CTTNBP2: variants seen among roughly 807,000 people sequenced by gnomAD.
The protein encoded by CTTNBP2 is cortactin binding protein 2.
A neutral mutation model predicts 156.9 loss-of-function variants in CTTNBP2; 108 were observed. The observed-to-expected ratio is 0.69, with a 90% CI of 0.59 to 0.81. The LOEUF (loss-of-function observed/expected upper bound fraction) is 0.81. Ranked by LOEUF, CTTNBP2 falls within the 30% of genes least tolerant of loss-of-function variation. The pLI is 0.00. For synonymous variants in CTTNBP2, 767 were observed against 751.8 expected (o/e 1.02, Z -0.33); for missense variants, 1,924 against 2,035.4 (o/e 0.95, Z 1.05).
intron 22 of CTTNBP2, among the ~76,000 whole-genome samples, chr7:117,713,293 TC>T (rs1794162248): frequency 6.6e-6 from 1 of 152,226 alleles, no homozygotes. Context: ...TATTTCAAGC[TC>T]TAAGTATTTC....
At chr7:117,836,948 A>G (rs1485346406) in intron 2 of CTTNBP2, among the ~76,000 whole-genome samples, 1 of 152,192 alleles carries the variant, frequency 6.6e-6, no homozygotes, top group Non-Finnish European at 1.5e-5. Context: ...TATGGGAGCT[A>G]TAATTCAAGA....
intron 3 of CTTNBP2, among the ~76,000 whole-genome samples, chr7:117,795,351 G>A (rs754773389): frequency 5.9e-5 from 9 of 151,926 alleles, no homozygotes; most frequent in Admixed American, 1.3e-4. Context: ...AATTTAAATC[G>A]TATTTTATAC....
intron 2 of CTTNBP2, among the ~76,000 whole-genome samples, chr7:117,855,279 A>AT (rs557833984): frequency 6.6e-6 from 1 of 151,712 alleles, no homozygotes; most frequent in South Asian, 2.1e-4. Context: ...TGCCTGGCTA[A>AT]TTTTTGTATT....
Position 117,735,425 on chromosome 7 carries a change from T to TA in CTTNBP2, c.3536-5dup, listed in dbSNP as rs764720149. 3 of 1,585,692 alleles carry TA rather than the reference T, an allele frequency of 1.9e-6. No individual in the cohort carries two copies. In the South Asian group the frequency reaches 3.5e-5, roughly 19 times the overall value. ...TGTTTCACTGGGATCAGACAAGCTA[T>TA]AATAAAAAAGGAAATTCAGTGATTC... On this transcript the variant is annotated splice_region_variant and splice_polypyrimidine_tract_variant and intron_variant, in intron 14 of 22. Coordinates refer to ENST00000160373, the MANE Select transcript of CTTNBP2 (RefSeq NM_033427.3).
intron 2 of CTTNBP2, among the ~76,000 whole-genome samples, chr7:117,846,787 T>C (rs992096063): frequency 2.0e-5 from 3 of 152,140 alleles, no homozygotes; most frequent in Non-Finnish European, 2.9e-5. Flanking sequence ...CTTAGTTAAA[T>C]GTATCAAGAT....
At chr7:117,843,990 T>C (rs555445217) in intron 2 of CTTNBP2, among the ~76,000 whole-genome samples, 14 of 152,156 alleles carry the variant, frequency 9.2e-5, no homozygotes, top group African/African-American at 3.4e-4. Context: ...AGGGTCATCA[T>C]AAGAGGGAGT....
At position 117,792,423 on chromosome 7, in the gene CTTNBP2, T is replaced by G. The variant is rs777685101; in HGVS notation, c.773A>C (p.Glu258Ala). 6.2e-7 allele frequency: 1 copy of G among 1,614,184 alleles called. No homozygotes were observed. The highest frequency in any genetic ancestry group is 2.2e-5 in the East Asian group (1 of 44,880). The change falls in exon 4 of 23, where the codon GAG becomes GCG. Residue 258 changes from glutamate (E) to alanine (A), a missense_variant. Physicochemically the swap from Glu to Ala is moderately radical, Grantham distance 107. Transcript: ENST00000160373. This position sits in a 1 kb window ranked among gnomAD's most constrained non-coding sequence, Gnocchi z 4.2. The part of the protein sequence containing the change: ...EEAHTTDLKE[E>A]IDKMRKMIEQ... ...AATCATTTTCCTCATCTTGTCTATC[T>G]CCTCTTTGAGGTCAGTGGTGTGTGC...
At chr7:117,816,378 C>G (rs1800576693) in intron 2 of CTTNBP2, among the ~76,000 whole-genome samples, 1 of 152,190 alleles carries the variant, frequency 6.6e-6, no homozygotes, top group African/African-American at 2.4e-5. Context: ...GTACACCACA[C>G]AGTTGTTGGA....
At chr7:117,785,964 T>C (rs973599367) in intron 4 of CTTNBP2, among the ~76,000 whole-genome samples, 1 of 152,208 alleles carries the variant, frequency 6.6e-6, no homozygotes, top group Admixed American at 6.5e-5. Context: ...ATGGATGTTT[T>C]ATACTCTCTG....
chr7:117,872,365 G>C (rs993003717), intron 1 of CTTNBP2: 2 of 151,332 alleles, frequency 1.3e-5, no homozygotes, highest in African/African-American at 4.9e-5. Context: ...CCCATCCTTC[G>C]GCGGGAGCAG....
At chr7:117,781,675 T>G (rs1236194990) in intron 6 of CTTNBP2, among the ~76,000 whole-genome samples, 2 of 152,022 alleles carry the variant, frequency 1.3e-5, no homozygotes, top group African/African-American at 2.4e-5. Context: ...GAGGCGGAGG[T>G]TGCAGTGAGC....
Position 117,782,098 on chromosome 7 carries a change from C to T in CTTNBP2, c.2372+764G>A, listed in dbSNP as rs1460747701. Among the ~76,000 whole-genome samples, 3 of 152,074 alleles carry T rather than the reference C, an allele frequency of 2.0e-5. No individual in the cohort carries two copies. In the East Asian group the frequency reaches 5.8e-4, roughly 29 times the overall value. On this transcript the variant is annotated intron_variant, in intron 6 of 22. Transcript: ENST00000160373. Reference sequence around the variant, plus strand: ...GGGTCAACCTTAAAAACCCATATTTCAATAATTCTGGAATTTGTTAAAGAA... The same window carrying T: ...GGGTCAACCTTAAAAACCCATATTTTAATAATTCTGGAATTTGTTAAAGAA...
chr7:117,830,090 A>G (rs1461680640), intron 2 of CTTNBP2, among the ~76,000 whole-genome samples: 1 of 152,246 alleles, frequency 6.6e-6, no homozygotes, highest in Non-Finnish European at 1.5e-5. Context: ...AAATCAATTT[A>G]GGCAAGTAAA....
Position 117,760,672 on chromosome 7 carries a change from T to A in CTTNBP2, c.2935A>T (p.Ile979Phe). Residue 979 changes from isoleucine (I) to phenylalanine (F), a missense_variant, in exon 10 of 23, where the codon ATT (isoleucine) becomes TTT (phenylalanine). Transcript: ENST00000160373. ...KIPLRISVGE[I>F]EPSNYGSDDL... is the part of the protein sequence containing the mutation. Reference sequence around the variant, plus strand: ...TCAGAACCATAGTTGCTTGGTTCAATCTCACCCACTGAAATCCTTAAGGGT... The same window carrying A: ...TCAGAACCATAGTTGCTTGGTTCAAACTCACCCACTGAAATCCTTAAGGGT... 6.2e-7 allele frequency: 1 copy of A among 1,612,846 alleles called. No individual in the cohort carries two copies.
At chr7:117,837,664 G>A (rs997377799) in intron 2 of CTTNBP2, among the ~76,000 whole-genome samples, 24 of 152,236 alleles carry the variant, frequency 1.6e-4, no homozygotes, top group African/African-American at 5.8e-4. Flanking sequence ...TAGCCTGGAG[G>A]TAATTTTATA....
intron 12 of CTTNBP2, among the ~76,000 whole-genome samples, chr7:117,754,367 T>C (rs1796775761): frequency 6.6e-6 from 1 of 152,234 alleles, no homozygotes; most frequent in Non-Finnish European, 1.5e-5. Flanking sequence ...TCACATTACA[T>C]GTGCATTTAT....
intron 7 of CTTNBP2, among the ~76,000 whole-genome samples, chr7:117,778,605 G>A (rs1441033751): frequency 1.3e-5 from 2 of 152,080 alleles, no homozygotes; most frequent in African/African-American, 4.8e-5. Context: ...AAACTCTGGG[G>A]ATGGGGCTAC....
chr7:117,815,613 C>T (rs1800531467), intron 2 of CTTNBP2, among the ~76,000 whole-genome samples: 1 of 152,122 alleles, frequency 6.6e-6, no homozygotes, highest in Non-Finnish European at 1.5e-5. Context: ...TGCTGGGCAG[C>T]GCTGACTCCC....
rs1459550047 is a variant in CTTNBP2 at position 117,760,695 on chromosome 7, G to A, written c.2912C>T (p.Pro971Leu). The change falls in exon 10 of 23, where the codon CCC (proline) becomes CTC (leucine). Residue 971 changes from proline to leucine, a missense_variant. Pro to Leu is a moderately conservative substitution (Grantham distance 98). Coordinates refer to ENST00000160373, the MANE Select transcript of CTTNBP2 (RefSeq NM_033427.3). ...AATCTCACCCACTGAAATCCTTAAG[G>A]GTATTTTAAGAGCATCTGTTAGAAG... ...LLENLNALKI[P>L]LRISVGEIEP... 2 of 1,608,274 alleles carry A rather than the reference G, an allele frequency of 1.2e-6. No homozygotes were observed. Among genetic ancestry groups the A allele is most frequent in the African/African-American group, 1.3e-5 (1 of 74,704 alleles).
Sources: gnomAD v4.1 joint callset for allele counts (sites outside exome capture counted in the v4.1 genomes callset) on GRCh38, gnomAD v4.1.1 for gene constraint, Gnocchi (gnomAD v3.1) non-coding constraint, MANE v1.5 for transcripts, NCBI Gene and HGNC (gene_info 2026-07-23, HGNC 2026-07-21) for gene names.